The following SLC24A2 variants were observed in gnomAD, a reference collection of about 807,000 sequenced individuals.
The protein encoded by SLC24A2 is solute carrier family 24 member 2.
SLC24A2 carries 36 observed loss-of-function variants against 62.0 expected under a neutral mutation model. That is an observed-to-expected ratio of 0.58 (90% confidence interval 0.44 to 0.77). SLC24A2 has a LOEUF of 0.77. SLC24A2 is among the 30% of genes least tolerant of loss of function. The pLI is 0.00. For synonymous variants in SLC24A2, 358 were observed against 294.0 expected, an observed-to-expected ratio of 1.22 and a Z score of -2.23; for missense variants, 846 against 817.9, an observed-to-expected ratio of 1.03 and a Z score of -0.42.
In SLC24A2 at chr9:19,515,922, A is replaced by G. The variant is rs1341777777; in HGVS notation, c.*231T>C. The G allele has an allele frequency of 3.6e-6, 2 of 550,030 alleles. No homozygotes were observed. The highest frequency in any genetic ancestry group is 6.5e-6 in the Non-Finnish European group (2 of 305,800). 34.1% of individuals were successfully genotyped at this position (550,030 alleles called of 1,614,324 possible). A position where few individuals can be genotyped will look rare whatever the true frequency, so the allele number is the denominator to read the frequency against. On this transcript the variant is annotated 3_prime_UTR_variant, in exon 11 of 11. Coordinates refer to ENST00000341998, the MANE Select transcript of SLC24A2 (RefSeq NM_020344.4). Reference sequence around the variant, plus strand: ...AGTGGTGAATAGGGAGAAGCCCTGTATTGACGGTTCTCTTTGTCTTTTACA... The same window carrying G: ...AGTGGTGAATAGGGAGAAGCCCTGTGTTGACGGTTCTCTTTGTCTTTTACA...
chr9:20,120,370 T>C, the SLC24A2 span, among the ~76,000 whole-genome samples: 3 of 152,112 alleles, frequency 2.0e-5, no homozygotes, highest in African/African-American at 7.2e-5. Context: ...GCATACTACA[T>C]AGCCATGAAA....
chr9:20,230,599 ATTTG>A, the SLC24A2 span, among the ~76,000 whole-genome samples: 17,919 of 151,946 alleles, frequency 0.12, 1,177 homozygotes, highest in Admixed American at 0.18. Flanking sequence ...TTTCTTGTAA[ATTTG>A]TTTGAGTTCA....
At chr9:20,245,418 C>T in the SLC24A2 span, among the ~76,000 whole-genome samples, 16 of 152,218 alleles carry the variant, frequency 1.1e-4, no homozygotes, top group Middle Eastern at 3.4e-3. Context: ...AGGTGGAAGT[C>T]TATGATGTTT....
At chr9:20,008,058 G>C in the SLC24A2 span, among the ~76,000 whole-genome samples, 5 of 151,418 alleles carry the variant, frequency 3.3e-5, no homozygotes, top group African/African-American at 9.7e-5. Context: ...ACCATGCCCA[G>C]GTAATTTTTC....
intron 2 of SLC24A2, among the ~76,000 whole-genome samples, chr9:19,747,602 T>G (rs1003237039): frequency 1.3e-5 from 2 of 152,232 alleles, no homozygotes; most frequent in Non-Finnish European, 2.9e-5. Context: ...CACTTTGCCT[T>G]TCAAGAGATT....
chr9:19,684,829 G>C (rs1282612011), intron 2 of SLC24A2, among the ~76,000 whole-genome samples: 1 of 152,010 alleles, frequency 6.6e-6, no homozygotes, highest in Non-Finnish European at 1.5e-5. Context: ...TGTTCAACAT[G>C]GTACTAATAT....
chr9:19,907,368 T>A, the SLC24A2 span, among the ~76,000 whole-genome samples: 2 of 152,306 alleles, frequency 1.3e-5, no homozygotes, highest in Non-Finnish European at 2.9e-5. Flanking sequence ...ACAGCCAATG[T>A]CATACTGAAT....
the SLC24A2 span, among the ~76,000 whole-genome samples, chr9:20,292,534 G>C: frequency 2.0e-5 from 3 of 152,164 alleles, no homozygotes; most frequent in Non-Finnish European, 4.4e-5. Flanking sequence ...GACGTGCTGG[G>C]GCTGCTGTAA....
chr9:19,621,650 G>A (rs1475493665), intron 3 of SLC24A2, among the ~76,000 whole-genome samples: 1 of 152,114 alleles, frequency 6.6e-6, no homozygotes, highest in Admixed American at 6.5e-5. Context: ...GAAATGTGAT[G>A]TGTTAATTAA....
the SLC24A2 span, among the ~76,000 whole-genome samples, chr9:20,291,735 A>G: frequency 6.6e-6 from 1 of 152,200 alleles, no homozygotes; most frequent in African/African-American, 2.4e-5. Flanking sequence ...TTGAATGACA[A>G]CTATGGAGGA....
the SLC24A2 span, among the ~76,000 whole-genome samples, chr9:20,227,023 T>C: frequency 1.4e-4 from 21 of 152,310 alleles, no homozygotes; most frequent in Non-Finnish European, 2.4e-4. Flanking sequence ...AAGGGATTAA[T>C]TGCATTGTTC....
chr9:19,536,298 C>T (rs1219010576), intron 8 of SLC24A2, among the ~76,000 whole-genome samples: 2 of 149,358 alleles, frequency 1.3e-5, no homozygotes, highest in Non-Finnish European at 3.0e-5. Flanking sequence ...TGTGCTGCAC[C>T]CACTAACGTG....
the SLC24A2 span, among the ~76,000 whole-genome samples, chr9:20,264,028 G>C: frequency 6.6e-6 from 1 of 152,100 alleles, no homozygotes; most frequent in African/African-American, 2.4e-5. Flanking sequence ...CTCTTGACAA[G>C]AGAGACCCAA....
chr9:20,217,970 G>A, the SLC24A2 span, among the ~76,000 whole-genome samples: 4 of 152,186 alleles, frequency 2.6e-5, no homozygotes, highest in South Asian at 4.1e-4. Context: ...CAGTCAACTA[G>A]TCATTAGAAA....
chr9:19,994,231 T>C, the SLC24A2 span, among the ~76,000 whole-genome samples: 2 of 152,040 alleles, frequency 1.3e-5, no homozygotes, highest in Non-Finnish European at 2.9e-5. Flanking sequence ...ATCTCAGCTG[T>C]CCTCTGCTGC....
chr9:19,526,249 C>T (rs1055356455), intron 9 of SLC24A2, among the ~76,000 whole-genome samples: 3 of 152,192 alleles, frequency 2.0e-5, no homozygotes, highest in African/African-American at 7.2e-5. Flanking sequence ...ATCCATTCAT[C>T]AGTTGATGGA....
intron 5 of SLC24A2, among the ~76,000 whole-genome samples, chr9:19,590,039 C>CTGA (rs1310209209): frequency 6.6e-6 from 1 of 152,130 alleles, no homozygotes; most frequent in African/African-American, 2.4e-5. Flanking sequence ...TTTAGGAAGG[C>CTGA]TGATGTGCTT....
At chr9:19,699,304 G>C (rs1306346648) in intron 2 of SLC24A2, among the ~76,000 whole-genome samples, 1 of 152,138 alleles carries the variant, frequency 6.6e-6, no homozygotes. Flanking sequence ...AGAAGAATTT[G>C]TTTCTACCTA....
rs1564009982 is a variant in SLC24A2, at chr9:19,636,375, CTTT to C, written c.931-14079_931-14077del. Among the ~76,000 whole-genome samples the C allele has an allele frequency of 8.5e-3, 250 of 29,322 alleles. 1 individual carries two copies. The highest frequency in any genetic ancestry group is 0.014 in the Middle Eastern group (1 of 70). 19.2% of individuals were successfully genotyped at this position (29,322 alleles called of 152,430 possible). On this transcript the variant is annotated intron_variant, in intron 2 of 10. Coordinates refer to ENST00000341998, the MANE Select transcript of SLC24A2 (RefSeq NM_020344.4). Reference sequence around the variant, plus strand: ...TCTTTCTTTCTTTCTTTCTTTCTTTCTTTCTTTCTTTCTCCCTCTCTCTCTCTC... The same window carrying C: ...TCTTTCTTTCTTTCTTTCTTTCTTTCCTTTCTTTCTCCCTCTCTCTCTCTC...
Sources: gnomAD v4.1 joint callset for allele counts (sites outside exome capture counted in the v4.1 genomes callset) on GRCh38, gnomAD v4.1.1 for gene constraint, MANE v1.5 for transcripts, NCBI Gene and HGNC (gene_info 2026-07-23, HGNC 2026-07-21) for gene names.